NR1I2: variants seen among roughly 807,000 people sequenced by gnomAD.
NR1I2 encodes the protein orphan nuclear receptor PAR1.
A neutral mutation model predicts 43.3 loss-of-function variants in NR1I2; 42 were observed. That is an observed-to-expected ratio of 0.97 (90% CI 0.76 to 1.26). NR1I2 has a LOEUF of 1.26. Among genes scored for constraint, NR1I2 ranks in the 50% most tolerant of loss-of-function variants. NR1I2 has a pLI of 0.00. For missense variants in NR1I2, 559 were observed against 566.7 expected (o/e 0.99, Z 0.14); for synonymous variants, 229 against 215.0 (o/e 1.06, Z -0.57).
intron 8 of NR1I2, among the ~76,000 whole-genome samples, chr3:119,816,674 T>C (rs2055333479): frequency 6.6e-6 from 1 of 151,854 alleles, no homozygotes; most frequent in Admixed American, 6.6e-5. Flanking sequence ...TTTAAAAAAT[T>C]AGCCAGGTAT....
In NR1I2 at chr3:119,815,063, C is replaced by T. The variant is rs4058490; in HGVS notation, c.879C>T (p.Asn293=). The T allele has an allele frequency of 5.3e-5, 85 of 1,614,130 alleles. No individual in the cohort carries two copies. The highest frequency in any genetic ancestry group is 3.3e-4 in the Middle Eastern group (2 of 6,062). The change falls in exon 6 of 9, where the codon AAC becomes AAT. Residue 293 remains asparagine (N), a synonymous_variant. Transcript: ENST00000393716. ...AACTGAGATTCAACACAGTGTTCAA[C>T]GCGGAGACTGGAACCTGGGAGTGTG...
chr3:119,782,963 C>A, intron 1 of NR1I2: 1 of 884,900 alleles, frequency 1.1e-6, no homozygotes, highest in Non-Finnish European at 1.9e-6. Context: ...TACAGCCCAG[C>A]TCGGCTGAAG....
chr3:119,806,193 C>T (rs1009254010), intron 1 of NR1I2, among the ~76,000 whole-genome samples: 2 of 152,222 alleles, frequency 1.3e-5, no homozygotes, highest in African/African-American at 4.8e-5. Flanking sequence ...CCCATTTCTA[C>T]TGAACATCCT....
At chr3:119,812,180 G>T (rs1163739182) in intron 4 of NR1I2, among the ~76,000 whole-genome samples, 1 of 152,178 alleles carries the variant, frequency 6.6e-6, no homozygotes. Flanking sequence ...TGTGACTTTT[G>T]TGAACTGGTG....
chr3:119,810,457 C>A (rs910999223), intron 3 of NR1I2: 14 of 557,858 alleles, frequency 2.5e-5, no homozygotes, highest in Non-Finnish European at 3.5e-5. Flanking sequence ...CCCTCTGTCT[C>A]CCCTCAGTTG....
chr3:119,804,598 C>G (rs1305239988), intron 1 of NR1I2, among the ~76,000 whole-genome samples: 1 of 151,762 alleles, frequency 6.6e-6, no homozygotes, highest in Non-Finnish European at 1.5e-5. Flanking sequence ...GCACCCGCCA[C>G]CACTTCCGGC....
chr3:119,792,308 C>T (rs1406297877), intron 1 of NR1I2: 7 of 1,451,588 alleles, frequency 4.8e-6, no homozygotes, highest in Middle Eastern at 2.2e-4. Context: ...CCTTTGGGCT[C>T]ATCCTGGATG....
At chr3:119,799,979 CAAACAA>C (rs1319262264) in intron 1 of NR1I2, among the ~76,000 whole-genome samples, 6 of 135,520 alleles carry the variant, frequency 4.4e-5, no homozygotes, top group Admixed American at 3.7e-4. Context: ...AACAAACAAA[CAAACAA>C]ACACACACAC....
At chr3:119,815,528 T>G in intron 7 of NR1I2, 89 bp downstream of exon 7, 1 of 1,190,670 alleles carries the variant, frequency 8.4e-7, no homozygotes, top group Non-Finnish European at 1.3e-6. Context: ...TTGCTCCTCA[T>G]TCACTGCGCA....
At position 119,810,032 on chromosome 3, in the gene NR1I2, C is replaced by T. The variant is rs12721616; in HGVS notation, c.198-29C>T. Reference sequence around the variant, plus strand: ...GCCGAGGGCCCGGGCACCCGTGCATCCCCCCTTCTGCTCCCCATTCTCTCA... The same window carrying T: ...GCCGAGGGCCCGGGCACCCGTGCATTCCCCCTTCTGCTCCCCATTCTCTCA... On this transcript the variant is annotated intron_variant, in intron 2 of 8. Transcript: ENST00000393716. 5,098 of 1,613,400 alleles carry T rather than the reference C, an allele frequency of 3.2e-3. 145 individuals are homozygous for T. The African/African-American group carries it at 0.056, about 18-fold the overall frequency.
intron 1 of NR1I2, among the ~76,000 whole-genome samples, chr3:119,803,471 C>G (rs1042983894): frequency 1.3e-5 from 2 of 152,112 alleles, no homozygotes; most frequent in Non-Finnish European, 2.9e-5. Context: ...GAAGCAGGCT[C>G]TTACCAGACA....
In NR1I2 at chr3:119,815,715, C is replaced by T. The variant is rs1325266180; in HGVS notation, c.1055-11C>T. The T allele has an allele frequency of 1.9e-6, 3 of 1,607,108 alleles. No individual in the cohort carries two copies. The highest frequency in any genetic ancestry group is 3.4e-5 in the Admixed American group (2 of 59,502). ...CCCCATGATCTTGCACCACACCTCC[C>T]TCCCCTCCAGACCGCCCAGGTGTGC... On this transcript the variant is annotated splice_polypyrimidine_tract_variant and intron_variant, in intron 7 of 8. Coordinates refer to ENST00000393716, the MANE Select transcript of NR1I2 (RefSeq NM_003889.4).
intron 1 of NR1I2, among the ~76,000 whole-genome samples, chr3:119,785,520 T>G (rs544828095): frequency 5.3e-5 from 8 of 152,332 alleles, no homozygotes; most frequent in African/African-American, 1.9e-4. Context: ...GGGATAGACC[T>G]GTCTCCCTCC....
At chr3:119,795,123 G>A (rs1274024462) in intron 1 of NR1I2, among the ~76,000 whole-genome samples, 1 of 152,172 alleles carries the variant, frequency 6.6e-6, no homozygotes, top group Non-Finnish European at 1.5e-5. Context: ...CTTGGCTGGG[G>A]TTGGTCAGTG....
intron 2 of NR1I2, 29 bp downstream of exon 2, chr3:119,807,476 G>C: frequency 1.9e-6 from 3 of 1,588,192 alleles, no homozygotes; most frequent in Non-Finnish European, 2.6e-6. Context: ...CTTCACCCAC[G>C]TGCCACCACT....
intron 1 of NR1I2, among the ~76,000 whole-genome samples, chr3:119,806,254 C>G (rs1237525049): frequency 6.6e-6 from 1 of 152,036 alleles, no homozygotes; most frequent in African/African-American, 2.4e-5. Context: ...GTGGAAGTTG[C>G]CTGGGGAGGA....
chr3:119,811,855 G>A, intron 4 of NR1I2, 129 bp downstream of exon 4: 2 of 901,384 alleles, frequency 2.2e-6, no homozygotes, highest in East Asian at 2.6e-5. Flanking sequence ...TAGATTTGGA[G>A]AGCTGGTCCT....
In NR1I2 at chr3:119,784,477, C is replaced by A. The variant is rs2054817453; in HGVS notation, c.-23+2177C>A. Among the ~76,000 whole-genome samples, 3 of 152,090 alleles carry A rather than the reference C, an allele frequency of 2.0e-5. No homozygotes were observed. The South Asian group carries it at 6.2e-4, about 32-fold the overall frequency. ...ATTTGATATGTGTGTAATATTCTCTCTAAGCTTTGTTTAAATCATACTTTT... is the reference window on the plus strand; with the variant it reads ...ATTTGATATGTGTGTAATATTCTCTATAAGCTTTGTTTAAATCATACTTTT... On this transcript the variant is annotated intron_variant, in intron 1 of 8. Transcript: ENST00000393716.
chr3:119,812,187 G>C (rs904218989), intron 4 of NR1I2, among the ~76,000 whole-genome samples: 1 of 152,096 alleles, frequency 6.6e-6, no homozygotes, highest in African/African-American at 2.4e-5. Context: ...TTTGTGAACT[G>C]GTGTTTCTTG....
Sources: gnomAD v4.1 joint callset for allele counts (sites outside exome capture counted in the v4.1 genomes callset) on GRCh38, gnomAD v4.1.1 for gene constraint, MANE v1.5 for transcripts, NCBI Gene and HGNC (gene_info 2026-07-23, HGNC 2026-07-21) for gene names.